GPC5: variants seen among roughly 807,000 people sequenced by gnomAD.
GPC5 encodes the protein glypican-5.
Under a neutral mutation model 53.9 loss-of-function variants are expected in GPC5, and 47 were observed. The observed-to-expected ratio is 0.87, with a 90% CI of 0.69 to 1.11. The LOEUF is 1.11. GPC5 is among the 50% of genes most tolerant of loss of function. The probability of loss-of-function intolerance (pLI) is 0.00; values close to 1 mark genes in which losing one functional copy is unlikely to be tolerated. For synonymous variants in GPC5, 286 were observed against 263.3 expected (o/e 1.09, Z -0.84); for missense variants, 748 against 713.1 (o/e 1.05, Z -0.56).
At chr13:92,016,203 A>G (rs944959452) in intron 6 of GPC5, among the ~76,000 whole-genome samples, 1 of 152,242 alleles carries the variant, frequency 6.6e-6, no homozygotes, top group Non-Finnish European at 1.5e-5. Flanking sequence ...TGGAAAGGGT[A>G]GCAGAGGAAA....
chr13:91,671,831 G>T (rs1335699933), intron 2 of GPC5, among the ~76,000 whole-genome samples: 1 of 112,160 alleles, frequency 8.9e-6, no homozygotes, highest in East Asian at 2.8e-4. Context: ...CACGCTACCA[G>T]ACTTCAAACT....
intron 7 of GPC5, among the ~76,000 whole-genome samples, chr13:92,551,479 T>G (rs1327120757): frequency 6.6e-6 from 1 of 151,866 alleles, no homozygotes; most frequent in East Asian, 1.9e-4. Flanking sequence ...AGTCATTTAC[T>G]TTGCAAAAAC....
chr13:91,514,891 C>A (rs1885412876), intron 2 of GPC5, among the ~76,000 whole-genome samples: 1 of 151,922 alleles, frequency 6.6e-6, no homozygotes, highest in African/African-American at 2.4e-5. Flanking sequence ...ACTTTAAGGT[C>A]AAAAATAAAT....
intron 2 of GPC5, among the ~76,000 whole-genome samples, chr13:91,469,519 A>G (rs756779473): frequency 3.3e-5 from 5 of 152,020 alleles, no homozygotes; most frequent in Non-Finnish European, 7.4e-5. Flanking sequence ...CTCCCACCTC[A>G]GCCTCCTAAG....
chr13:92,602,220 AATATATATATAACATATATAT>A (rs1202254857), intron 7 of GPC5, among the ~76,000 whole-genome samples: 3 of 110,254 alleles, frequency 2.7e-5, no homozygotes, highest in Non-Finnish European at 5.4e-5. Flanking sequence ...CATATATATA[AATATATATATAACATATATAT>A]ATATATATAT....
At position 91,654,290 on chromosome 13, in the gene GPC5, G is replaced by A. The variant is rs74104948; in HGVS notation, c.326-38897G>A. Among the ~76,000 whole-genome samples, 594 of 152,256 alleles carry A rather than the reference G, an allele frequency of 3.9e-3. 5 individuals are homozygous for A. The highest frequency in any genetic ancestry group is 0.013 in the African/African-American group (553 of 41,562). On this transcript the variant is annotated intron_variant, in intron 2 of 7. Coordinates refer to ENST00000377067, the MANE Select transcript of GPC5 (RefSeq NM_004466.6). ...ATTCTACTTTGAAGAACACAGGCAT[G>A]TGCTTAAATATACTTGTATGAAGAC...
chr13:91,806,521 A>G (rs1395351961), intron 5 of GPC5, among the ~76,000 whole-genome samples: 2 of 152,062 alleles, frequency 1.3e-5, no homozygotes, highest in Non-Finnish European at 2.9e-5. Context: ...GTGATGCCTC[A>G]CATTCTTACA....
chr13:92,015,518 G>T (rs753684344), intron 6 of GPC5, among the ~76,000 whole-genome samples: 7 of 151,988 alleles, frequency 4.6e-5, no homozygotes, highest in Non-Finnish European at 8.8e-5. Flanking sequence ...TGGGCATATT[G>T]TAGATACATT....
At chr13:92,807,966 C>T (rs1431861587) in intron 7 of GPC5, among the ~76,000 whole-genome samples, 1 of 152,006 alleles carries the variant, frequency 6.6e-6, no homozygotes. Context: ...GTCATGTCAA[C>T]ATATTAAAAT....
intron 7 of GPC5, among the ~76,000 whole-genome samples, chr13:92,618,011 T>C (rs1884753115): frequency 1.3e-5 from 2 of 152,162 alleles, no homozygotes. Context: ...TTCAGTTATG[T>C]GCAGCTCTTA....
At chr13:92,795,756 A>G (rs1423834334) in intron 7 of GPC5, among the ~76,000 whole-genome samples, 1 of 152,218 alleles carries the variant, frequency 6.6e-6, no homozygotes, top group Non-Finnish European at 1.5e-5. Flanking sequence ...CAGACACATG[A>G]AAAAATGCTC....
chr13:91,661,256 G>T (rs1290743626), intron 2 of GPC5, among the ~76,000 whole-genome samples: 1 of 152,206 alleles, frequency 6.6e-6, no homozygotes, highest in African/African-American at 2.4e-5. Flanking sequence ...GGACAACTTT[G>T]CTGGCTGTTG....
chr13:91,600,163 C>T (rs575425045), intron 2 of GPC5, among the ~76,000 whole-genome samples: 5 of 152,290 alleles, frequency 3.3e-5, no homozygotes, highest in African/African-American at 1.2e-4. Flanking sequence ...TCTCACAATA[C>T]ACCCGCCTTG....
intron 2 of GPC5, among the ~76,000 whole-genome samples, chr13:91,533,528 A>C (rs138272995): frequency 7.9e-4 from 121 of 152,322 alleles, no homozygotes; most frequent in African/African-American, 2.8e-3. Context: ...GGCCTTGTGG[A>C]ACAGACAGTG....
intron 2 of GPC5, among the ~76,000 whole-genome samples, chr13:91,657,013 T>C (rs1169550453): frequency 6.6e-6 from 1 of 152,102 alleles, no homozygotes; most frequent in African/African-American, 2.4e-5. Flanking sequence ...TTATTGGCAG[T>C]GGGACATGGG....
intron 1 of GPC5, among the ~76,000 whole-genome samples, chr13:91,412,738 C>G (rs973036432): frequency 6.6e-6 from 1 of 152,186 alleles, no homozygotes; most frequent in South Asian, 2.1e-4. Flanking sequence ...TTCTCATCTA[C>G]AAACACTGAA....
intron 5 of GPC5, among the ~76,000 whole-genome samples, chr13:91,764,875 A>G (rs1398144451): frequency 6.6e-6 from 1 of 152,176 alleles, no homozygotes; most frequent in East Asian, 1.9e-4. Flanking sequence ...ATGATCTCTC[A>G]TTGATGTTTT....
chr13:92,733,484 T>C (rs1888861099), intron 7 of GPC5, among the ~76,000 whole-genome samples: 2 of 151,764 alleles, frequency 1.3e-5, no homozygotes, highest in Non-Finnish European at 2.9e-5. Flanking sequence ...CTTTGTTAAA[T>C]TGCGTGGGTT....
intron 2 of GPC5, among the ~76,000 whole-genome samples, chr13:91,456,700 C>A (rs2139125596): frequency 6.6e-6 from 1 of 151,872 alleles, no homozygotes; most frequent in East Asian, 1.9e-4. Context: ...AAAATTTTTA[C>A]CCCGTGGAAC....
Sources: gnomAD v4.1 joint callset for allele counts (sites outside exome capture counted in the v4.1 genomes callset) on GRCh38, gnomAD v4.1.1 for gene constraint, MANE v1.5 for transcripts, NCBI Gene and HGNC (gene_info 2026-07-23, HGNC 2026-07-21) for gene names.